The following PCDHA12 variants were observed in gnomAD, a reference collection of about 807,000 sequenced individuals.
The protein encoded by PCDHA12 is protocadherin alpha 12.
PCDHA12 carries 44 observed loss-of-function variants against 60.0 expected under a neutral mutation model. The observed-to-expected ratio is 0.73, with a 90% CI of 0.58 to 0.94. PCDHA12 has a LOEUF of 0.94. Among genes scored for constraint, PCDHA12 ranks in the 40% least tolerant of loss-of-function variants. The pLI is 0.00. For synonymous variants in PCDHA12, 569 were observed against 553.0 expected (o/e 1.03, Z -0.40); for missense variants, 1,276 against 1,239.7 (o/e 1.03, Z -0.44).
At chr5:140,915,766 T>G (rs2077298451) in intron 1 of PCDHA12, among the ~76,000 whole-genome samples, 1 of 151,974 alleles carries the variant, frequency 6.6e-6, no homozygotes, top group African/African-American at 2.4e-5. Context: ...CTGGGTCTTG[T>G]CCAAGGCCTG....
At chr5:140,915,258 A>T (rs2077046977) in intron 1 of PCDHA12, among the ~76,000 whole-genome samples, 1 of 151,928 alleles carries the variant, frequency 6.6e-6, no homozygotes, top group South Asian at 2.1e-4. Context: ...GGTTGTTATT[A>T]TTTTTGACCA....
At chr5:140,968,923 T>C in intron 1 of PCDHA12, 1 of 1,614,212 alleles carries the variant, frequency 6.2e-7, no homozygotes, top group Non-Finnish European at 8.5e-7. Flanking sequence ...CTTTTATATT[T>C]CTTTTGACAA....
intron 1 of PCDHA12, chr5:140,929,215 T>C (rs1554206842): frequency 1.2e-6 from 2 of 1,613,934 alleles, no homozygotes; most frequent in East Asian, 2.2e-5. Context: ...GCGTGGGGAG[T>C]ACAATGCTGC....
At chr5:141,002,232 A>G (rs2098067070) in intron 3 of PCDHA12, among the ~76,000 whole-genome samples, 2 of 152,226 alleles carry the variant, frequency 1.3e-5, no homozygotes, top group African/African-American at 4.8e-5. Flanking sequence ...GTTTTCTGGA[A>G]GCTCTTTATT....
chr5:140,970,227 A>T (rs186622858), intron 1 of PCDHA12, among the ~76,000 whole-genome samples: 190 of 152,300 alleles, frequency 1.2e-3, no homozygotes, highest in African/African-American at 4.2e-3. Flanking sequence ...GCAGCCTGTA[A>T]TCTTCTGATT....
chr5:140,994,017 T>C (rs2153920554), intron 3 of PCDHA12, among the ~76,000 whole-genome samples: 1 of 152,336 alleles, frequency 6.6e-6, no homozygotes, highest in South Asian at 2.1e-4. Flanking sequence ...TTCTAGGTGA[T>C]GCAGATATAA....
intron 1 of PCDHA12, chr5:140,926,761 T>G: frequency 7.6e-7 from 1 of 1,323,628 alleles, no homozygotes; most frequent in East Asian, 2.8e-5. Context: ...TCGCTGAGTA[T>G]CCAGCCCGCA....
rs782644238 is a variant in PCDHA12 at position 140,883,107 on chromosome 5, C to A, written c.2367+5268C>A. ...GGTACAAATGGAGATATAGTTTACT[C>A]ATTTAGAAGGCCTGTATGGCCTGCA... On this transcript the variant is annotated intron_variant, in intron 1 of 3. Transcript: ENST00000398631. 15 of 1,614,064 alleles carry A rather than the reference C, an allele frequency of 9.3e-6. No homozygotes were observed. The East Asian group carries it at 3.1e-4, about 34-fold the overall frequency.
chr5:140,927,105 CAGCGG>C, intron 1 of PCDHA12: 1 of 1,613,778 alleles, frequency 6.2e-7, no homozygotes, highest in Non-Finnish European at 8.5e-7. Flanking sequence ...TGGATCTACC[CAGCGG>C]CAATTTGGTG....
At chr5:140,943,144 G>C (rs894787678) in intron 1 of PCDHA12, among the ~76,000 whole-genome samples, 1 of 151,178 alleles carries the variant, frequency 6.6e-6, no homozygotes, top group Non-Finnish European at 1.5e-5. Context: ...TGTAGTCCCA[G>C]CTACTCTGGA....
intron 1 of PCDHA12, among the ~76,000 whole-genome samples, chr5:140,942,913 G>GA (rs58669311): frequency 1.5e-4 from 23 of 148,948 alleles, no homozygotes; most frequent in Middle Eastern, 3.5e-3. Flanking sequence ...TAAGCGTGAA[G>GA]AAAAAAAAAA....
At chr5:140,941,760 T>A (rs1343959883) in intron 1 of PCDHA12, among the ~76,000 whole-genome samples, 2 of 152,234 alleles carry the variant, frequency 1.3e-5, no homozygotes, top group Non-Finnish European at 1.5e-5. Flanking sequence ...TCAGTGCTTT[T>A]AAGATAATTG....
intron 1 of PCDHA12, among the ~76,000 whole-genome samples, chr5:140,890,015 T>C (rs553399283): frequency 2.8e-4 from 43 of 152,210 alleles, no homozygotes; most frequent in African/African-American, 1.0e-3. Flanking sequence ...GCCAGAAAAA[T>C]GTAGAAGGCT....
chr5:141,010,455 T>G lies in PCDHA12; in HGVS notation c.*518T>G. The stretch of plus-strand genomic sequence containing the variant: ...AACAAAGACAAATAAACAGCGGAAG[T>G]TATCAGTATGGAGGGGAAGTGTAAA... On this transcript the variant is annotated 3_prime_UTR_variant, in exon 4 of 4. Transcript: ENST00000398631. 1 of 883,470 alleles carries G rather than the reference T, an allele frequency of 1.1e-6. No homozygotes were observed. Among genetic ancestry groups the G allele is most frequent in the South Asian group, 1.9e-5 (1 of 53,228 alleles). 54.7% of individuals were successfully genotyped at this position (883,470 alleles called of 1,614,324 possible). A position where few individuals can be genotyped will look rare whatever the true frequency, so the allele number is the denominator to read the frequency against.
intron 1 of PCDHA12, 67 bp downstream of exon 1, chr5:140,877,906 A>G: frequency 2.1e-6 from 3 of 1,435,008 alleles, no homozygotes; most frequent in Non-Finnish European, 1.8e-6. Flanking sequence ...TTATAACTAC[A>G]TTCTCTCATT....
chr5:140,931,414 T>C (rs2087515742), intron 1 of PCDHA12, among the ~76,000 whole-genome samples: 1 of 151,886 alleles, frequency 6.6e-6, no homozygotes, highest in Non-Finnish European at 1.5e-5. Context: ...GGCTGATGAA[T>C]CTAGAAGTTA....
chr5:140,882,288 G>C (rs1554173426), intron 1 of PCDHA12: 2 of 1,613,210 alleles, frequency 1.2e-6, no homozygotes, highest in East Asian at 2.2e-5. Flanking sequence ...TCCTGGCAAG[G>C]AGGCCCAAGA....
At chr5:140,979,908 TAA>T (rs782196172) in intron 2 of PCDHA12, among the ~76,000 whole-genome samples, 3 of 152,250 alleles carry the variant, frequency 2.0e-5, no homozygotes, top group Non-Finnish European at 4.4e-5. Context: ...GATCAGTTCG[TAA>T]AGAGAAAGCC....
chr5:140,980,039 C>T (rs2096874436), intron 2 of PCDHA12, among the ~76,000 whole-genome samples: 1 of 152,184 alleles, frequency 6.6e-6, no homozygotes, highest in South Asian at 2.1e-4. Context: ...ACATTGGGTG[C>T]TATTTCTGAT....
Sources: gnomAD v4.1 joint callset for allele counts (sites outside exome capture counted in the v4.1 genomes callset) on GRCh38, gnomAD v4.1.1 for gene constraint, MANE v1.5 for transcripts, NCBI Gene and HGNC (gene_info 2026-07-23, HGNC 2026-07-21) for gene names.